Variants in SLC5A1 observed in about 807,000 individuals in gnomAD.
SLC5A1 encodes solute carrier family 5 member 1.
A neutral mutation model predicts 73.5 loss-of-function variants in SLC5A1; 42 were observed. The observed-to-expected ratio is 0.57, with a 90% CI of 0.45 to 0.74. SLC5A1 has a LOEUF of 0.74. Ranked by LOEUF, SLC5A1 falls within the 30% of genes least tolerant of loss-of-function variation. SLC5A1 has a pLI of 0.00. For missense variants in SLC5A1, 634 were observed against 855.4 expected (o/e 0.74, Z 3.23); for synonymous variants, 300 against 317.4 (o/e 0.95, Z 0.58).
chr22:32,099,835 A>G (rs2149496856), intron 12 of SLC5A1, among the ~76,000 whole-genome samples: 1 of 152,274 alleles, frequency 6.6e-6, no homozygotes, highest in Middle Eastern at 3.4e-3. Context: ...TCTACTGTGA[A>G]CTCGGCTTTC....
rs1452646374 is a variant in SLC5A1, at chr22:32,091,299, ACACAC to A, written c.1130-312_1130-308del. ...CTCAGATGGAAACACACATACACAA[ACACAC>A]ACACACACACACACACACACACACA... is the stretch of plus-strand genomic sequence containing the variant. On this transcript the variant is annotated intron_variant, in intron 10 of 14. Coordinates refer to ENST00000266088, the MANE Select transcript of SLC5A1 (RefSeq NM_000343.4). Among the ~76,000 whole-genome samples, 6 of 9,674 alleles carry A rather than the reference ACACAC, an allele frequency of 6.2e-4. No individual in the cohort carries two copies. In the African/African-American group the frequency reaches 7.6e-3, roughly 12 times the overall value. 6.3% of individuals were successfully genotyped at this position (9,674 alleles called of 152,430 possible).
At chr22:32,067,067 T>C (rs775976411) in intron 3 of SLC5A1, 28 bp downstream of exon 3, 13 of 1,523,320 alleles carry the variant, frequency 8.5e-6, no homozygotes, top group South Asian at 1.1e-5. Context: ...CATGGTGCAC[T>C]GGGGCTGGAA....
At chr22:32,101,082 G>A (rs2094035476) in intron 12 of SLC5A1, among the ~76,000 whole-genome samples, 1 of 152,154 alleles carries the variant, frequency 6.6e-6, no homozygotes, top group South Asian at 2.1e-4. Context: ...GCTGTACAAA[G>A]ACCTGGAGAC....
chr22:32,046,817 T>C (rs1359406047), intron 1 of SLC5A1, among the ~76,000 whole-genome samples: 2 of 152,232 alleles, frequency 1.3e-5, no homozygotes, highest in African/African-American at 2.4e-5. Context: ...TGTCCTTCTT[T>C]TACCCCAGCA....
intron 2 of SLC5A1, among the ~76,000 whole-genome samples, chr22:32,062,735 T>G (rs574869118): frequency 6.6e-6 from 1 of 151,546 alleles, no homozygotes; most frequent in East Asian, 1.9e-4. Flanking sequence ...GGATGAGGAG[T>G]GGACAGAGAA....
intron 11 of SLC5A1, among the ~76,000 whole-genome samples, chr22:32,094,750 G>C (rs181639326): frequency 6.6e-6 from 1 of 151,744 alleles, no homozygotes; most frequent in East Asian, 1.9e-4. Flanking sequence ...GGTTAATCTT[G>C]CTAATGGTCT....
At chr22:32,062,626 G>A (rs1036942318) in intron 2 of SLC5A1, among the ~76,000 whole-genome samples, 2 of 152,172 alleles carry the variant, frequency 1.3e-5, no homozygotes, top group Admixed American at 1.3e-4. Flanking sequence ...GAATTCACAG[G>A]AACATGGGGG....
At chr22:32,054,925 T>C (rs1409547695) in intron 2 of SLC5A1, among the ~76,000 whole-genome samples, 1 of 152,180 alleles carries the variant, frequency 6.6e-6, no homozygotes, top group African/African-American at 2.4e-5. Context: ...TCTGCCCACC[T>C]TGGCCTCCCA....
chr22:32,075,957 A>C (rs2093990251), intron 5 of SLC5A1, among the ~76,000 whole-genome samples: 1 of 152,248 alleles, frequency 6.6e-6, no homozygotes. Context: ...GTTCATTAAC[A>C]AAATACGGTG....
At chr22:32,068,657 C>T (rs1202455230) in intron 5 of SLC5A1, 57 bp downstream of exon 5, 1 of 1,163,460 alleles carries the variant, frequency 8.6e-7, no homozygotes, top group Non-Finnish European at 1.3e-6. Flanking sequence ...TCTCATTCCT[C>T]ATCACATGCT....
chr22:32,068,919 T>C (rs1340511620), intron 5 of SLC5A1, among the ~76,000 whole-genome samples: 1 of 152,112 alleles, frequency 6.6e-6, no homozygotes, highest in Non-Finnish European at 1.5e-5. Flanking sequence ...TGGGTATATA[T>C]GTAAAAGAAT....
At chr22:32,059,135 T>C in intron 2 of SLC5A1, 1 of 985,268 alleles carries the variant, frequency 1.0e-6, no homozygotes. Context: ...AAATTCCTCT[T>C]CTGAATTTCA....
At chr22:32,082,499 G>C (rs560230880) in intron 6 of SLC5A1, among the ~76,000 whole-genome samples, 31 of 152,334 alleles carry the variant, frequency 2.0e-4, no homozygotes, top group African/African-American at 7.0e-4. Flanking sequence ...GGGAGCCCCT[G>C]TAAGGAGGGA....
intron 5 of SLC5A1, among the ~76,000 whole-genome samples, chr22:32,075,262 A>G (rs2093989071): frequency 6.6e-6 from 1 of 151,812 alleles, no homozygotes; most frequent in South Asian, 2.1e-4. Context: ...TGAGTCTCAG[A>G]GAAGTTAGGT....
chr22:32,078,417 G>A (rs915383305), intron 5 of SLC5A1, among the ~76,000 whole-genome samples: 4 of 151,858 alleles, frequency 2.6e-5, no homozygotes, highest in African/African-American at 7.3e-5. Flanking sequence ...ACAGGCATGC[G>A]CCACCACACC....
At chr22:32,074,427 G>T (rs2093987596) in intron 5 of SLC5A1, among the ~76,000 whole-genome samples, 1 of 152,140 alleles carries the variant, frequency 6.6e-6, no homozygotes, top group Non-Finnish European at 1.5e-5. Flanking sequence ...CTTTTGAATT[G>T]TATGTGTTGT....
intron 7 of SLC5A1, 31 bp from the exon 8 acceptor site, chr22:32,084,408 G>A: frequency 1.3e-6 from 2 of 1,591,406 alleles, no homozygotes; most frequent in Non-Finnish European, 1.7e-6. Flanking sequence ...GAAGGTTTCA[G>A]AATGTTCATT....
At chr22:32,090,048 G>A (rs1372859172) in intron 10 of SLC5A1, among the ~76,000 whole-genome samples, 1 of 148,918 alleles carries the variant, frequency 6.7e-6, no homozygotes, top group African/African-American at 2.5e-5. Flanking sequence ...ATGAGGCCTA[G>A]AGCTTGACGT....
intron 12 of SLC5A1, 63 bp downstream of exon 12, chr22:32,099,414 G>T: frequency 1.4e-6 from 2 of 1,436,096 alleles, no homozygotes; most frequent in Non-Finnish European, 1.9e-6. Flanking sequence ...ATGTGGGTTT[G>T]CATATTCTCT....
Sources: allele counts gnomAD v4.1 joint callset (sites outside exome capture counted in the v4.1 genomes callset), GRCh38; gene constraint gnomAD v4.1.1; transcripts MANE v1.5; gene names NCBI Gene and HGNC (gene_info 2026-07-23, HGNC 2026-07-21).